The following NRF1 variants were observed in gnomAD, a reference collection of about 807,000 sequenced individuals.
The protein encoded by NRF1 is nuclear respiratory factor 1.
In NRF1, 5 loss-of-function variants were observed where a neutral mutation model predicts 58.5. The ratio of observed to expected loss-of-function variants is 0.09; its 90% confidence interval spans 0.04 to 0.18. The LOEUF (loss-of-function observed/expected upper bound fraction) is 0.18, where lower values mean the gene tolerates loss of function less well. Ranked by LOEUF, NRF1 falls within the 10% of genes least tolerant of loss-of-function variation. NRF1 has a pLI of 1.00. For missense variants in NRF1, 288 were observed against 657.7 expected, an observed-to-expected ratio of 0.44 and a Z score of 6.15; for synonymous variants, 224 against 246.7, an observed-to-expected ratio of 0.91 and a Z score of 0.86.
intron 10 of NRF1, among the ~76,000 whole-genome samples, chr7:129,740,344 A>G (rs1803818270): frequency 6.6e-6 from 1 of 152,186 alleles, no homozygotes; most frequent in Non-Finnish European, 1.5e-5. Flanking sequence ...TTAATCACTC[A>G]CACCGAATGG....
chr7:129,663,255 G>T (rs780859193), intron 2 of NRF1, among the ~76,000 whole-genome samples: 2 of 152,114 alleles, frequency 1.3e-5, no homozygotes, highest in Non-Finnish European at 2.9e-5. Context: ...GCCCGCTCTC[G>T]ATGGTCGCTG....
chr7:129,673,104 A>C (rs1485330857), intron 3 of NRF1, among the ~76,000 whole-genome samples: 1 of 152,206 alleles, frequency 6.6e-6, no homozygotes. Flanking sequence ...GTGATCAGCT[A>C]TCAAATGCTG....
intron 10 of NRF1, among the ~76,000 whole-genome samples, chr7:129,739,926 T>A (rs1305331645): frequency 6.6e-6 from 1 of 152,200 alleles, no homozygotes; most frequent in Non-Finnish European, 1.5e-5. Flanking sequence ...GAGCTGCTGC[T>A]GAAAAATGGG....
At chr7:129,718,761 G>A (rs568467988) in intron 9 of NRF1, among the ~76,000 whole-genome samples, 1 of 152,268 alleles carries the variant, frequency 6.6e-6, no homozygotes, top group African/African-American at 2.4e-5. Flanking sequence ...CACTGTATGA[G>A]GCTGTATAGT....
chr7:129,632,772 G>A (rs758128373), intron 1 of NRF1, among the ~76,000 whole-genome samples: 2 of 152,138 alleles, frequency 1.3e-5, no homozygotes, highest in Non-Finnish European at 2.9e-5. Flanking sequence ...AAATGCTGTA[G>A]ATATTTGATA....
chr7:129,754,252 C>T (rs971310961), intron 10 of NRF1, among the ~76,000 whole-genome samples: 26 of 150,276 alleles, frequency 1.7e-4, no homozygotes, highest in African/African-American at 5.4e-4. Context: ...CTTGAGGCCA[C>T]GAGTTCAAGA....
rs750443011 is a variant in NRF1, at chr7:129,657,448, A to G, written c.97A>G (p.Thr33Ala). ...GCAGCAGGTCCATGTGGCTACTTAC[A>G]CCGAGCATAGTATGCTGAGTGCTGA... ...QVQQVHVATY[T>A]EHSMLSADED... Residue 33 changes from threonine to alanine, a missense_variant, in exon 2 of 11, where the codon ACC becomes GCC. Thr to Ala is a moderately conservative substitution (Grantham distance 58). Around this residue, in one of 3 missense-constraint regions of NRF1, gnomAD observed 48 missense variants for 65.5 expected, o/e 0.73. Coordinates refer to ENST00000393232, the MANE Select transcript of NRF1 (RefSeq NM_005011.5). 1 of 1,614,084 alleles carries G rather than the reference A, an allele frequency of 6.2e-7. No individual in the cohort carries two copies. Among genetic ancestry groups the G allele is most frequent in the Non-Finnish European group, 8.5e-7 (1 of 1,180,008 alleles).
intron 4 of NRF1, among the ~76,000 whole-genome samples, chr7:129,685,556 A>AGTGTGT (rs67721424): frequency 0.013 from 1,835 of 143,058 alleles, 36 homozygotes; most frequent in African/African-American, 0.029. Context: ...GTCTCATTCA[A>AGTGTGT]GTGTGTGTGT....
intron 10 of NRF1, among the ~76,000 whole-genome samples, chr7:129,751,973 G>A (rs142598354): frequency 7.4e-4 from 112 of 152,336 alleles, no homozygotes; most frequent in African/African-American, 2.6e-3. Flanking sequence ...TGGGGAGAGG[G>A]CCCAGCTGCA....
rs73159612 is a variant in NRF1, at chr7:129,634,001, G to C, written c.-7+22177G>C. Reference sequence around the variant, plus strand: ...CCCCACTTTGACCGTGATTTTTTAAGGGAATATTGTTTTTTTACATCTGTA... The same window carrying C: ...CCCCACTTTGACCGTGATTTTTTAACGGAATATTGTTTTTTTACATCTGTA... On this transcript the variant is annotated intron_variant, in intron 1 of 10. Coordinates refer to ENST00000393232, the MANE Select transcript of NRF1 (RefSeq NM_005011.5). 2.8e-5 allele frequency among the ~76,000 whole-genome samples: 4 copies of C among 143,642 alleles called. No homozygotes were observed. The South Asian group carries it at 8.7e-4, about 31-fold the overall frequency. The allele number at this position is 143,642 out of a possible 152,430, so 94.2% of individuals were successfully genotyped here. A position where few individuals can be genotyped will look rare whatever the true frequency, so the allele number is the denominator to read the frequency against.
intron 4 of NRF1, among the ~76,000 whole-genome samples, chr7:129,689,237 G>T (rs765025678): frequency 3.3e-5 from 5 of 152,106 alleles, no homozygotes; most frequent in Non-Finnish European, 7.4e-5. Context: ...TATTTTTCCA[G>T]ATGCTTGGGG....
intron 10 of NRF1, chr7:129,735,054 G>C (rs1803673847): frequency 4.1e-6 from 4 of 985,418 alleles, no homozygotes; most frequent in East Asian, 1.1e-4. Flanking sequence ...TCCTCACCGG[G>C]TCTTCCACTT....
intron 1 of NRF1, among the ~76,000 whole-genome samples, chr7:129,628,034 CTTTTTTTTTTTTTTT>C (rs67262888): frequency 1.9e-4 from 14 of 72,096 alleles, no homozygotes; most frequent in Non-Finnish European, 3.4e-4. Context: ...GCCAATGGTT[CTTTTTTTTTTTTTTT>C]TTTTTTTTTT....
At chr7:129,682,344 A>T (rs1802334918) in intron 4 of NRF1, among the ~76,000 whole-genome samples, 1 of 151,822 alleles carries the variant, frequency 6.6e-6, no homozygotes, top group Non-Finnish European at 1.5e-5. Context: ...TTATAATCTT[A>T]GCTTCTTGGG....
rs1266045514 is a variant in NRF1 at position 129,661,906 on chromosome 7, G to A, written c.223+4332G>A. Among the ~76,000 whole-genome samples the A allele has an allele frequency of 2.7e-5, 4 of 150,696 alleles. 1 individual carries two copies. The highest frequency in any genetic ancestry group is 1.0e-4 in the African/African-American group (4 of 40,032). ...ATAAGGACATACTCAAGACTGGGAA[G>A]AAAAGAGGTTTCGGTGGACTTACAG... On this transcript the variant is annotated intron_variant, in intron 2 of 10. Transcript: ENST00000393232.
chr7:129,689,974 A>C (rs898563818), intron 4 of NRF1, among the ~76,000 whole-genome samples: 4 of 152,196 alleles, frequency 2.6e-5, no homozygotes, highest in Non-Finnish European at 5.9e-5. Flanking sequence ...TGAATTGGTT[A>C]CTTTAAGTTT....
chr7:129,663,571 C>T (rs573240430), intron 2 of NRF1, among the ~76,000 whole-genome samples: 13 of 143,286 alleles, frequency 9.1e-5, no homozygotes, highest in Admixed American at 1.4e-4. Flanking sequence ...AGACGATGGG[C>T]GGCCAGGCAG....
At chr7:129,621,203 T>G (rs1562950850) in intron 1 of NRF1, among the ~76,000 whole-genome samples, 1 of 152,232 alleles carries the variant, frequency 6.6e-6, no homozygotes, top group Non-Finnish European at 1.5e-5. Flanking sequence ...AGGCCCTAGT[T>G]TCTGGGGCAG....
rs545801751 is a variant in NRF1, at chr7:129,683,618, C to G, written c.465+5860C>G. On this transcript the variant is annotated intron_variant, in intron 4 of 10. Transcript: ENST00000393232. ...GTGCTGCGATTACAGGCATGAGCCA[C>G]CACAACTGGCCGGAATTTTTTTTTT... Among the ~76,000 whole-genome samples, 574 of 148,918 alleles carry G rather than the reference C, an allele frequency of 3.9e-3. 1 individual carries two copies. Among genetic ancestry groups the G allele is most frequent in the African/African-American group, 0.013 (528 of 40,294 alleles).
Sources: gnomAD v4.1 joint callset for allele counts (sites outside exome capture counted in the v4.1 genomes callset) on GRCh38, gnomAD v4.1.1 for gene constraint, gnomAD v4.1.1 regional missense constraint, MANE v1.5 for transcripts, NCBI Gene and HGNC (gene_info 2026-07-23, HGNC 2026-07-21) for gene names.